Variants in GALK2 observed in about 807,000 individuals in gnomAD.
The protein encoded by GALK2 is N-acetylgalactosamine kinase.
GALK2 carries 36 observed loss-of-function variants against 52.4 expected under a neutral mutation model. The ratio of observed to expected loss-of-function variants is 0.69; its 90% CI spans 0.53 to 0.91. The LOEUF is 0.91. Ranked by LOEUF, GALK2 falls within the 40% of genes least tolerant of loss-of-function variation. GALK2 has a pLI of 0.00. For missense variants in GALK2, 579 were observed against 559.1 expected (o/e 1.04, Z -0.36); for synonymous variants, 176 against 199.1 (o/e 0.88, Z 0.98).
At chr15:49,364,015 G>A (rs377122748) in intron 3 of GALK2, among the ~76,000 whole-genome samples, 37 of 152,196 alleles carry the variant, frequency 2.4e-4, no homozygotes, top group African/African-American at 7.7e-4. Flanking sequence ...GATTCCGTTC[G>A]CTAGTATTTT....
chr15:49,237,516 G>A (rs562195896), intron 4 of GALK2, among the ~76,000 whole-genome samples: 4 of 151,730 alleles, frequency 2.6e-5, no homozygotes, highest in South Asian at 2.1e-4. Context: ...TTGCTCTGTC[G>A]CCCAGGCTGG....
At position 49,274,939 on chromosome 15, in the gene GALK2, G is replaced by A. The variant is rs144487983; in HGVS notation, c.505-7048G>A. Among the ~76,000 whole-genome samples the A allele has an allele frequency of 1.8e-3, 278 of 152,086 alleles. 2 individuals carry two copies. The highest frequency in any genetic ancestry group is 6.1e-3 in the African/African-American group (253 of 41,492). On this transcript the variant is annotated intron_variant, in intron 5 of 9. Coordinates refer to ENST00000560031, the MANE Select transcript of GALK2 (RefSeq NM_002044.4). ...AGTGCCTTCTTCTGGCATACCTCCC[G>A]AAGACCTGTCTTGAGACTGTTTTAC...
chr15:49,192,409 C>T lies in GALK2; in HGVS notation c.54-8753C>T, dbSNP rs543680218. On this transcript the variant is annotated intron_variant, in intron 1 of 9. Coordinates refer to ENST00000560031, the MANE Select transcript of GALK2 (RefSeq NM_002044.4). ...AAGTCAGAATTTATTCAAACATTCT[C>T]CTATGTAAGAGTGTTTAGATTGTTT... Among the ~76,000 whole-genome samples, 3 of 148,038 alleles carry T rather than the reference C, an allele frequency of 2.0e-5. No individual in the cohort carries two copies. The Admixed American group carries it at 2.0e-4, about 10-fold the overall frequency.
intron 3 of GALK2, among the ~76,000 whole-genome samples, chr15:49,230,876 A>G (rs969491036): frequency 6.6e-6 from 1 of 152,232 alleles, no homozygotes; most frequent in African/African-American, 2.4e-5. Context: ...GCAAATGGAT[A>G]ATGTAATGCA....
intron 1 of GALK2, among the ~76,000 whole-genome samples, chr15:49,181,740 AAAT>A (rs1378307603): frequency 6.6e-6 from 1 of 152,088 alleles, no homozygotes; most frequent in Non-Finnish European, 1.5e-5. Flanking sequence ...TAGAAAAATC[AAAT>A]AATAATTGAA....
At chr15:49,365,761 T>A in intron 3 of GALK2, 1 of 859,690 alleles carries the variant, frequency 1.2e-6, no homozygotes, top group Non-Finnish European at 2.0e-6. Context: ...CCTGTCTTCA[T>A]TTTGAAACAC....
chr15:49,234,911 C>G (rs1230457911), intron 3 of GALK2, among the ~76,000 whole-genome samples: 2 of 152,046 alleles, frequency 1.3e-5, no homozygotes, highest in Non-Finnish European at 2.9e-5. Flanking sequence ...GGACTACAGG[C>G]TCCCACCACC....
At chr15:49,287,006 A>G (rs925820058) in intron 7 of GALK2, among the ~76,000 whole-genome samples, 1 of 152,202 alleles carries the variant, frequency 6.6e-6, no homozygotes, top group Admixed American at 6.5e-5. Flanking sequence ...CAAGAAGAAA[A>G]TGATGGATAA....
intron 1 of GALK2, among the ~76,000 whole-genome samples, chr15:49,163,103 A>G (rs1202111574): frequency 6.6e-5 from 10 of 152,210 alleles, no homozygotes; most frequent in Non-Finnish European, 2.9e-5. Context: ...TGCATATCCA[A>G]CAGCAGTGCA....
At chr15:49,235,233 A>G (rs559292383) in intron 3 of GALK2, among the ~76,000 whole-genome samples, 27 of 152,334 alleles carry the variant, frequency 1.8e-4, no homozygotes, top group African/African-American at 6.5e-4. Context: ...ACAGTTTACC[A>G]TGTAGTGACT....
intron 2 of GALK2, among the ~76,000 whole-genome samples, chr15:49,213,042 T>G: frequency 6.6e-6 from 1 of 152,186 alleles, no homozygotes; most frequent in East Asian, 1.9e-4. Context: ...TGATGTTTCT[T>G]TGTTGATTTT....
chr15:49,338,511 G>T lies in GALK2; in HGVS notation c.426+18706G>T, dbSNP rs145491678. Reference sequence around the variant, plus strand: ...GAGAGATCCGCTGTTAGTCTGGTGGGCTTCCCTTTGTGGGTAACCCAACCT... The same window carrying T: ...GAGAGATCCGCTGTTAGTCTGGTGGTCTTCCCTTTGTGGGTAACCCAACCT... On this transcript the variant is annotated intron_variant, in intron 3 of 3. Coordinates refer to the GALK2 transcript ENST00000558399. 8.0e-3 allele frequency among the ~76,000 whole-genome samples: 1,213 copies of T among 152,310 alleles called. 31 individuals are homozygous for T. The highest frequency in any genetic ancestry group is 0.028 in the African/African-American group (1,160 of 41,568).
intron 2 of GALK2, among the ~76,000 whole-genome samples, chr15:49,206,064 G>A (rs116102424): frequency 9.9e-5 from 15 of 152,130 alleles, no homozygotes; most frequent in African/African-American, 2.4e-4. Context: ...TTATTTGTGC[G>A]TTCTCTATTT....
chr15:49,195,984 T>C (rs1030605815), intron 1 of GALK2, among the ~76,000 whole-genome samples: 5 of 152,126 alleles, frequency 3.3e-5, no homozygotes, highest in African/African-American at 7.2e-5. Flanking sequence ...TAAAAAAAAG[T>C]CTTCTGTTTA....
Position 49,326,255 on chromosome 15 carries a change from AT to A in GALK2, c.1170-1674del, listed in dbSNP as rs35381509. On this transcript the variant is annotated intron_variant, in intron 9 of 9. Transcript: ENST00000560031. ...TTTGATACGACTGCATATGACAACCATTTTTTTTTTTTTTTTTTTTTTTGAG... is the reference window on the plus strand; with the variant it reads ...TTTGATACGACTGCATATGACAACCATTTTTTTTTTTTTTTTTTTTTTGAG... Among the ~76,000 whole-genome samples the A allele has an allele frequency of 2.1e-3, 214 of 100,700 alleles. 2 individuals carry two copies. In the South Asian group the frequency reaches 0.027, roughly 13 times the overall value. The allele number at this position is 100,700 out of a possible 152,430, so 66.1% of individuals were successfully genotyped here.
chr15:49,334,256 TAGA>T (rs2039310805), downstream of GALK2: 2 of 984,576 alleles, frequency 2.0e-6, no homozygotes, highest in Non-Finnish European at 2.4e-6. Context: ...GCTGCTGTTT[TAGA>T]AGTTTTATTT....
intron 2 of GALK2, among the ~76,000 whole-genome samples, chr15:49,211,201 C>G (rs2141354112): frequency 6.6e-6 from 1 of 152,310 alleles, no homozygotes; most frequent in South Asian, 2.1e-4. Flanking sequence ...TCATCACTCT[C>G]AAGTTCAAAG....
chr15:49,233,843 GCCACCC>G (rs2090640941), intron 3 of GALK2, among the ~76,000 whole-genome samples: 1 of 152,092 alleles, frequency 6.6e-6, no homozygotes, highest in South Asian at 2.1e-4. Flanking sequence ...AGCCACGTAT[GCCACCC>G]AGTATTATTA....
chr15:49,318,274 T>G (rs1894135088), intron 8 of GALK2: 1 of 152,186 alleles, frequency 6.6e-6, no homozygotes, highest in South Asian at 2.1e-4. Context: ...TTTCTGTAGC[T>G]GAAATTACAG....
Sources: allele counts gnomAD v4.1 joint callset (sites outside exome capture counted in the v4.1 genomes callset), GRCh38; gene constraint gnomAD v4.1.1; transcripts MANE v1.5; gene names NCBI Gene and HGNC (gene_info 2026-07-23, HGNC 2026-07-21).